Variants in CDK15 observed in about 807,000 individuals in gnomAD.
CDK15 encodes cyclin-dependent kinase 15.
In CDK15, 62 loss-of-function variants were observed where a neutral mutation model predicts 60.3. The ratio of observed to expected loss-of-function variants is 1.03; its 90% confidence interval spans 0.84 to 1.27. The LOEUF is 1.27. Ranked by LOEUF, CDK15 falls within the 50% of genes most tolerant of loss-of-function variation. The pLI is 0.00. For synonymous variants in CDK15, 194 were observed against 195.7 expected (o/e 0.99, Z 0.07); for missense variants, 541 against 527.8 (o/e 1.03, Z -0.25).
chr2:201,845,447 A>C (rs1426522517), intron 8 of CDK15, among the ~76,000 whole-genome samples: 1 of 152,140 alleles, frequency 6.6e-6, no homozygotes, highest in Non-Finnish European at 1.5e-5. Context: ...ATCAATGAAA[A>C]GTAATCTAAA....
At chr2:201,872,759 C>T (rs576836708) in intron 11 of CDK15, among the ~76,000 whole-genome samples, 11 of 152,252 alleles carry the variant, frequency 7.2e-5, no homozygotes, top group African/African-American at 2.4e-4. Context: ...TTATTACCAG[C>T]TTTCAACAAA....
At chr2:201,849,490 G>C (rs1322759910) in intron 9 of CDK15, among the ~76,000 whole-genome samples, 1 of 151,976 alleles carries the variant, frequency 6.6e-6, no homozygotes, top group Non-Finnish European at 1.5e-5. Context: ...CACCATATAT[G>C]AGGCGAGTAA....
intron 10 of CDK15, among the ~76,000 whole-genome samples, chr2:201,864,690 TG>T (rs1478978954): frequency 2.6e-5 from 4 of 152,198 alleles, no homozygotes; most frequent in African/African-American, 7.2e-5. Flanking sequence ...CATGAGCCAC[TG>T]TGCCCGGCCA....
chr2:201,857,927 A>G lies in CDK15; in HGVS notation c.1009+2990A>G, dbSNP rs141005518. Among the ~76,000 whole-genome samples the G allele has an allele frequency of 5.9e-3, 891 of 152,296 alleles. 7 individuals carry two copies. The highest frequency in any genetic ancestry group is 0.021 in the African/African-American group (858 of 41,560). ...AGCAGAAGACAAGCTGGGAGCCAGG[A>G]AAGTGTCACAGATGAGCACCGTGTC... is the stretch of plus-strand genomic sequence containing the variant. On this transcript the variant is annotated intron_variant, in intron 10 of 13. Coordinates refer to ENST00000652192, the MANE Select transcript of CDK15 (RefSeq NM_001366386.2).
chr2:201,867,352 T>C (rs1392351961), intron 10 of CDK15, among the ~76,000 whole-genome samples: 1 of 152,118 alleles, frequency 6.6e-6, no homozygotes. Context: ...AGCCCAGGCA[T>C]GGTGGCTCAT....
chr2:201,881,368 A>G (rs1229988268), intron 12 of CDK15, among the ~76,000 whole-genome samples: 1 of 152,220 alleles, frequency 6.6e-6, no homozygotes, highest in African/African-American at 2.4e-5. Flanking sequence ...AGTATTTATT[A>G]AATTGCCATT....
chr2:201,835,116 A>G (rs1696947910), intron 7 of CDK15, among the ~76,000 whole-genome samples: 1 of 152,192 alleles, frequency 6.6e-6, no homozygotes. Context: ...TTTCTGTTAC[A>G]GAGACCCAAA....
At position 201,816,248 on chromosome 2, in the gene CDK15, C is replaced by G. The variant is rs1298116972; in HGVS notation, c.448+3686C>G. On this transcript the variant is annotated intron_variant, in intron 4 of 13. Transcript: ENST00000652192. ...GTATAGTACCTGATAGGTAGTTTTT[C>G]AACCCGTGTCCCTCTCCCTTCCTCT... 4.6e-5 allele frequency among the ~76,000 whole-genome samples: 7 copies of G among 152,040 alleles called. No individual in the cohort carries two copies. The South Asian group carries it at 6.2e-4, about 14-fold the overall frequency.
rs938295032 is a variant in CDK15 at position 201,853,325 on chromosome 2, G to A, written c.946-1549G>A. ...CAAAGAAGGAAGATTTTACTGGGTGGCATGATTTTTTTATTATATGAGGGA... is the reference window on the plus strand; with the variant it reads ...CAAAGAAGGAAGATTTTACTGGGTGACATGATTTTTTTATTATATGAGGGA... On this transcript the variant is annotated intron_variant, in intron 9 of 13. Transcript: ENST00000652192. Among the ~76,000 whole-genome samples the A allele has an allele frequency of 3.9e-5, 6 of 152,214 alleles. No individual in the cohort carries two copies. In the East Asian group the frequency reaches 9.7e-4, roughly 24 times the overall value.
chr2:201,869,367 CG>C (rs1698766677), intron 10 of CDK15, among the ~76,000 whole-genome samples: 1 of 116,938 alleles, frequency 8.6e-6, no homozygotes, highest in South Asian at 3.2e-4. Context: ...CATCACACAC[CG>C]GGGCCTGTCA....
chr2:201,817,494 T>C (rs1559115714), intron 4 of CDK15, among the ~76,000 whole-genome samples: 1 of 152,218 alleles, frequency 6.6e-6, no homozygotes, highest in African/African-American at 2.4e-5. Context: ...CTATCATTGA[T>C]TCTACAGTGC....
rs768867701 is a variant in CDK15, at chr2:201,833,716, C to CT, written c.607-115dup. On this transcript the variant is annotated intron_variant, in intron 6 of 13. Transcript: ENST00000652192. ...ATGTAAAAATCTTCTTCTTCTTCTTCTTTTTTTTTTTTTTTTTGGTCTCTC... is the reference window on the plus strand; with the variant it reads ...ATGTAAAAATCTTCTTCTTCTTCTTCTTTTTTTTTTTTTTTTTTGGTCTCTC... The CT allele has an allele frequency of 3.6e-3, 610 of 170,866 alleles. 2 individuals carry two copies. The highest frequency in any genetic ancestry group is 0.018 in the East Asian group (136 of 7,526). 10.6% of individuals were successfully genotyped at this position (170,866 alleles called of 1,614,324 possible). A position where few individuals can be genotyped will look rare whatever the true frequency, so the allele number is the denominator to read the frequency against.
chr2:201,839,115 T>C (rs115197211), intron 8 of CDK15, among the ~76,000 whole-genome samples: 1 of 152,222 alleles, frequency 6.6e-6, no homozygotes, highest in Non-Finnish European at 1.5e-5. Flanking sequence ...TCATTCAATA[T>C]GTTACATGTT....
intron 10 of CDK15, among the ~76,000 whole-genome samples, chr2:201,866,010 ATGTGTGTGTGTGTG>A (rs72270010): frequency 2.9e-5 from 4 of 139,634 alleles, no homozygotes; most frequent in South Asian, 2.4e-4. Context: ...ACATGAGTGA[ATGTGTGTGTGTGTG>A]TGTGTGTGTG....
chr2:201,868,343 T>C (rs1195185715), intron 10 of CDK15, among the ~76,000 whole-genome samples: 1 of 152,070 alleles, frequency 6.6e-6, no homozygotes, highest in East Asian at 1.9e-4. Context: ...TGAGGCCCAG[T>C]GAGGTTAAGC....
chr2:201,861,008 G>A (rs768624006), intron 10 of CDK15: 15 of 1,176,460 alleles, frequency 1.3e-5, no homozygotes, highest in Middle Eastern at 3.1e-4. Context: ...CATCTGGGTC[G>A]GCATCAGCTT....
chr2:201,890,770 T>A lies in CDK15; in HGVS notation c.1199-15T>A, dbSNP rs1341376186. ...GAAATAACATATTGGTGCTTCTCTCTTTTCATTCCTACAGAGGAGTCTTTG... is the reference window on the plus strand; with the variant it reads ...GAAATAACATATTGGTGCTTCTCTCATTTCATTCCTACAGAGGAGTCTTTG... On this transcript the variant is annotated splice_polypyrimidine_tract_variant and intron_variant, in intron 12 of 13. Transcript: ENST00000652192. 1 of 1,580,852 alleles carries A rather than the reference T, an allele frequency of 6.3e-7. No individual in the cohort carries two copies. Among genetic ancestry groups the A allele is most frequent in the South Asian group, 1.1e-5 (1 of 88,088 alleles).
intron 12 of CDK15, among the ~76,000 whole-genome samples, chr2:201,887,225 C>A (rs941708655): frequency 1.3e-5 from 2 of 152,162 alleles, no homozygotes; most frequent in African/African-American, 4.8e-5. Context: ...TATGAAAGTT[C>A]TTATGCTGTA....
chr2:201,809,951 A>G (rs924487327), intron 3 of CDK15, among the ~76,000 whole-genome samples: 7 of 151,988 alleles, frequency 4.6e-5, no homozygotes, highest in Non-Finnish European at 1.0e-4. Flanking sequence ...GCTAGTCAGG[A>G]GGCTGAGGCA....
Sources: allele counts gnomAD v4.1 joint callset (sites outside exome capture counted in the v4.1 genomes callset), GRCh38; gene constraint gnomAD v4.1.1; transcripts MANE v1.5; gene names NCBI Gene and HGNC (gene_info 2026-07-23, HGNC 2026-07-21).